Variants in ADAMTSL1 observed in about 807,000 individuals in gnomAD.
ADAMTSL1 encodes ADAMTS like 1.
ADAMTSL1 carries 126 observed loss-of-function variants against 201.8 expected under a neutral mutation model. The observed-to-expected ratio is 0.62, with a 90% CI of 0.54 to 0.72. The LOEUF (loss-of-function observed/expected upper bound fraction) is 0.72. ADAMTSL1 is among the 30% of genes least tolerant of loss of function. ADAMTSL1 has a pLI of 0.00. For synonymous variants in ADAMTSL1, 1,121 were observed against 903.4 expected (o/e 1.24, Z -4.32); for missense variants, 2,679 against 2,277.8 (o/e 1.18, Z -3.59).
intron 23 of ADAMTSL1, among the ~76,000 whole-genome samples, chr9:18,830,758 G>C (rs772364301): frequency 6.6e-6 from 1 of 152,148 alleles, no homozygotes; most frequent in Non-Finnish European, 1.5e-5. Context: ...GCCTATACAT[G>C]TGCAGGGACA....
chr9:17,916,782 G>A (rs755701802), intron 1 of ADAMTSL1, among the ~76,000 whole-genome samples: 18 of 152,150 alleles, frequency 1.2e-4, no homozygotes, highest in Non-Finnish European at 2.1e-4. Context: ...TGTCTATCCT[G>A]TATGAATTTT....
intron 1 of ADAMTSL1, among the ~76,000 whole-genome samples, chr9:18,488,034 C>G (rs1013813885): frequency 4.6e-5 from 7 of 152,174 alleles, no homozygotes; most frequent in Non-Finnish European, 8.8e-5. Flanking sequence ...TCTATAGCAT[C>G]TTAGGTTTGA....
At chr9:18,310,934 G>A (rs958817177) in intron 2 of ADAMTSL1, among the ~76,000 whole-genome samples, 1 of 152,142 alleles carries the variant, frequency 6.6e-6, no homozygotes, top group African/African-American at 2.4e-5. Context: ...ATTCACAATA[G>A]CAAAGACTTG....
At chr9:18,515,545 G>A (rs903704206) in intron 2 of ADAMTSL1, among the ~76,000 whole-genome samples, 1 of 152,164 alleles carries the variant, frequency 6.6e-6, no homozygotes, top group African/African-American at 2.4e-5. Context: ...ATGTTGGCCA[G>A]GCTGGTGTCT....
At chr9:17,974,593 C>G (rs1052605022) in intron 1 of ADAMTSL1, among the ~76,000 whole-genome samples, 28 of 151,918 alleles carry the variant, frequency 1.8e-4, no homozygotes, top group African/African-American at 6.5e-4. Context: ...ATTTAGACTC[C>G]ATATATGTGA....
intron 2 of ADAMTSL1, among the ~76,000 whole-genome samples, chr9:18,520,290 A>C (rs1818615585): frequency 6.6e-6 from 1 of 152,192 alleles, no homozygotes; most frequent in Admixed American, 6.5e-5. Context: ...TAGACCGTTT[A>C]CCCCAAACCT....
At chr9:18,453,555 T>C (rs992555421) in intron 2 of ADAMTSL1, among the ~76,000 whole-genome samples, 1 of 152,234 alleles carries the variant, frequency 6.6e-6, no homozygotes, top group African/African-American at 2.4e-5. Context: ...CTTTTAATTC[T>C]AAATTATGTC....
At chr9:17,989,029 G>A (rs1037491000) in intron 1 of ADAMTSL1, among the ~76,000 whole-genome samples, 3 of 151,558 alleles carry the variant, frequency 2.0e-5, no homozygotes, top group African/African-American at 7.3e-5. Context: ...TCACCCTCTT[G>A]GAAAGTGATT....
rs1168519598 is a variant in ADAMTSL1 at position 18,583,660 on chromosome 9, G to C, written c.474+9394G>C. ...GATAAGCTGCAGTCACTCAACACCA[G>C]CCAGTAAAAGCAGCCGGGAAGGAGG... is the stretch of plus-strand genomic sequence containing the variant. On this transcript the variant is annotated intron_variant, in intron 4 of 28. Transcript: ENST00000380548. Among the ~76,000 whole-genome samples, 6 of 152,152 alleles carry C rather than the reference G, an allele frequency of 3.9e-5. No individual in the cohort carries two copies. The East Asian group carries it at 9.7e-4, about 24-fold the overall frequency.
At chr9:17,986,089 C>T (rs1179525515) in intron 1 of ADAMTSL1, among the ~76,000 whole-genome samples, 1 of 152,066 alleles carries the variant, frequency 6.6e-6, no homozygotes, top group Admixed American at 6.6e-5. Context: ...CCAACAAATA[C>T]CAATTCAGTT....
chr9:18,502,418 GCAAA>G (rs1294063979), intron 1 of ADAMTSL1, among the ~76,000 whole-genome samples: 5 of 152,142 alleles, frequency 3.3e-5, no homozygotes, highest in Admixed American at 1.3e-4. Context: ...TTCACATGCG[GCAAA>G]CAAAGAGTTA....
chr9:18,020,100 T>C (rs1227566273), intron 1 of ADAMTSL1, among the ~76,000 whole-genome samples: 1 of 152,078 alleles, frequency 6.6e-6, no homozygotes, highest in Non-Finnish European at 1.5e-5. Context: ...TACAGTCTGT[T>C]ATATTCCAGG....
At chr9:18,144,718 T>G (rs1587150761) in intron 1 of ADAMTSL1, among the ~76,000 whole-genome samples, 1 of 152,236 alleles carries the variant, frequency 6.6e-6, no homozygotes, top group East Asian at 1.9e-4. Context: ...AACTTTATGT[T>G]AAATGAGATA....
chr9:17,914,561 TATC>T (rs1206240696), intron 1 of ADAMTSL1, among the ~76,000 whole-genome samples: 20 of 150,994 alleles, frequency 1.3e-4, no homozygotes, highest in African/African-American at 4.9e-4. Flanking sequence ...CCACAGCCAA[TATC>T]ATACTGAATG....
At chr9:18,059,940 T>G (rs1322674757) in intron 1 of ADAMTSL1, among the ~76,000 whole-genome samples, 1 of 152,204 alleles carries the variant, frequency 6.6e-6, no homozygotes, top group Non-Finnish European at 1.5e-5. Context: ...TAAAAAAAAC[T>G]TCAATTTTAT....
At chr9:18,855,208 G>A (rs1288525286) in intron 23 of ADAMTSL1, among the ~76,000 whole-genome samples, 1 of 152,160 alleles carries the variant, frequency 6.6e-6, no homozygotes, top group East Asian at 1.9e-4. Context: ...GGGAAAATAA[G>A]CCAGAATCAC....
In ADAMTSL1 at chr9:18,477,659, A is replaced by G. The variant is rs576049663; in HGVS notation, c.63+3364A>G. Among the ~76,000 whole-genome samples, 13 of 152,360 alleles carry G rather than the reference A, an allele frequency of 8.5e-5. No individual in the cohort carries two copies. In the East Asian group the frequency reaches 2.5e-3, roughly 29 times the overall value. On this transcript the variant is annotated intron_variant, in intron 1 of 28. Coordinates refer to ENST00000380548, the MANE Select transcript of ADAMTSL1 (RefSeq NM_001040272.6). Reference sequence around the variant, plus strand: ...TTTTTCTCAGACCTAGATTGTCTTTAAATCAAGCTTGAAGACTTTTCGCAT... The same window carrying G: ...TTTTTCTCAGACCTAGATTGTCTTTGAATCAAGCTTGAAGACTTTTCGCAT...
intron 2 of ADAMTSL1, among the ~76,000 whole-genome samples, chr9:18,252,228 T>A (rs910406804): frequency 1.6e-4 from 25 of 152,078 alleles, no homozygotes; most frequent in Admixed American, 2.6e-4. Flanking sequence ...TTTAAAGACA[T>A]ATAACTCAGT....
chr9:18,723,308 T>C (rs1187399743), intron 15 of ADAMTSL1: 1 of 565,842 alleles, frequency 1.8e-6, no homozygotes, highest in African/African-American at 1.9e-5. Flanking sequence ...TTGCCATTAT[T>C]TGAAAAACAT....
Sources: gnomAD v4.1 joint callset for allele counts (sites outside exome capture counted in the v4.1 genomes callset) on GRCh38, gnomAD v4.1.1 for gene constraint, MANE v1.5 for transcripts, NCBI Gene and HGNC (gene_info 2026-07-23, HGNC 2026-07-21) for gene names.